Variants in CARF observed in about 807,000 individuals in gnomAD.
The protein encoded by CARF is calcium-responsive transcription factor.
Under a neutral mutation model 82.0 loss-of-function variants are expected in CARF, and 57 were observed. The ratio of observed to expected loss-of-function variants is 0.70; its 90% CI spans 0.56 to 0.87. The LOEUF (loss-of-function observed/expected upper bound fraction) is 0.87, where lower values mean the gene tolerates loss of function less well. Ranked by LOEUF, CARF falls within the 40% of genes least tolerant of loss-of-function variation. The probability of loss-of-function intolerance (pLI) is 0.00; values close to 1 mark genes in which losing one functional copy is unlikely to be tolerated. For missense variants in CARF, 771 were observed against 855.8 expected (o/e 0.90, Z 1.24); for synonymous variants, 268 against 290.1 (o/e 0.92, Z 0.77).
At chr2:202,936,532 C>G (rs1369294603) in intron 3 of CARF, among the ~76,000 whole-genome samples, 1 of 152,104 alleles carries the variant, frequency 6.6e-6, no homozygotes, top group Non-Finnish European at 1.5e-5. Flanking sequence ...TAATATGTGA[C>G]CTTTTGTGTG....
chr2:202,935,327 T>C (rs2105777537), intron 3 of CARF, among the ~76,000 whole-genome samples: 1 of 3,192 alleles, frequency 3.1e-4, no homozygotes, highest in East Asian at 0.038. Context: ...TGTATATTTA[T>C]ATATATATAT....
intron 1 of CARF, among the ~76,000 whole-genome samples, chr2:202,915,491 G>T (rs988110952): frequency 2.6e-5 from 4 of 151,654 alleles, no homozygotes; most frequent in African/African-American, 9.7e-5. Flanking sequence ...TTCTTTTTGA[G>T]ATGGAGTCTG....
chr2:202,954,215 G>A, intron 7 of CARF, 81 bp downstream of exon 7: 1 of 1,433,960 alleles, frequency 7.0e-7, no homozygotes, highest in Non-Finnish European at 9.4e-7. Flanking sequence ...AAAGCTGGCA[G>A]ACTATAGAGA....
rs766617005 is a variant in CARF at position 202,971,584 on chromosome 2, C to G, written c.1177C>G (p.Pro393Ala). 4 of 1,613,636 alleles carry G rather than the reference C, an allele frequency of 2.5e-6. No homozygotes were observed. The highest frequency in any genetic ancestry group is 2.2e-5 in the East Asian group (1 of 44,780). ...ETPCLTLSPS[P>A]FPVSSLEEEE... is the part of the protein sequence containing the mutation. ...TCCCTGCCTCACTTTGTCACCTTCT[C>G]CTTTTCCTGTGTCTTCTCTTGAAGA... Residue 393 changes from proline to alanine, a missense_variant, in exon 12 of 17, where the codon CCT becomes GCT. Physicochemically the swap from Pro to Ala is conservative, Grantham distance 27. Coordinates refer to ENST00000438828, the MANE Select transcript of CARF (RefSeq NM_024744.17).
intron 8 of CARF, 84 bp from the exon 9 acceptor site, chr2:202,961,153 T>TC: frequency 9.1e-7 from 1 of 1,104,806 alleles, no homozygotes; most frequent in South Asian, 1.6e-5. Flanking sequence ...TGATGAGTCT[T>TC]CCATTTTGGA....
At chr2:202,974,525 CAG>C in intron 13 of CARF, 29 bp downstream of exon 13, 1 of 1,554,284 alleles carries the variant, frequency 6.4e-7, no homozygotes, top group Non-Finnish European at 8.7e-7. Context: ...TTCCTTATTA[CAG>C]AGTCTTTCTC....
chr2:202,934,949 C>T (rs572572736), intron 3 of CARF, among the ~76,000 whole-genome samples: 4 of 151,166 alleles, frequency 2.6e-5, no homozygotes, highest in Admixed American at 6.6e-5. Flanking sequence ...TGGTGGTGTG[C>T]GCCAGTAGTG....
intron 9 of CARF, among the ~76,000 whole-genome samples, chr2:202,966,072 G>A (rs1281452101): frequency 6.6e-6 from 1 of 152,164 alleles, no homozygotes; most frequent in Non-Finnish European, 1.5e-5. Context: ...CCACTTGGCA[G>A]ATGATTACCT....
At chr2:202,941,712 G>T in intron 3 of CARF, 148 bp from the exon 4 acceptor site, 1 of 437,790 alleles carries the variant, frequency 2.3e-6, no homozygotes, top group South Asian at 3.3e-5. Flanking sequence ...ATTTTAAAAA[G>T]TGTTAATTTT....
Position 202,912,984 on chromosome 2 carries a change from A to AG in CARF, c.-445dup, listed in dbSNP as rs1688915519. On this transcript the variant is annotated 5_prime_UTR_variant, in exon 1 of 17. Coordinates refer to ENST00000438828, the MANE Select transcript of CARF (RefSeq NM_024744.17). ...TTACTCTAATATAGTTGTTTTTCTG[A>AG]GGGAGGATGGATGGAGATAACTATC... 1 of 152,144 alleles carries AG rather than the reference A, an allele frequency of 6.6e-6. No individual in the cohort carries two copies. Among genetic ancestry groups the AG allele is most frequent in the African/African-American group, 2.4e-5 (1 of 41,416 alleles). 9.4% of individuals were successfully genotyped at this position (152,144 alleles called of 1,614,324 possible).
At chr2:202,981,954 ATTTTT>A in intron 15 of CARF, 113 bp from the exon 16 acceptor site, 4 of 1,130,146 alleles carry the variant, frequency 3.5e-6, no homozygotes, top group Non-Finnish European at 5.0e-6. Flanking sequence ...TTTAATAATT[ATTTTT>A]AACCATACTC....
intron 3 of CARF, among the ~76,000 whole-genome samples, chr2:202,930,641 T>A (rs1485173432): frequency 6.6e-6 from 1 of 152,202 alleles, no homozygotes; most frequent in East Asian, 1.9e-4. Context: ...CATTGAATTA[T>A]CTATTTGTAT....
At chr2:202,979,192 G>T (rs539542585) in intron 14 of CARF, among the ~76,000 whole-genome samples, 61 of 152,232 alleles carry the variant, frequency 4.0e-4, no homozygotes, top group Middle Eastern at 3.4e-3. Context: ...GGGAGGCAGA[G>T]GTTGCAGTGA....
At chr2:202,923,564 A>G (rs569107533) in intron 2 of CARF, among the ~76,000 whole-genome samples, 4 of 152,318 alleles carry the variant, frequency 2.6e-5, no homozygotes, top group Admixed American at 1.3e-4. Context: ...GCAATCTAGA[A>G]ATTCAATGCA....
chr2:202,977,730 T>A (rs2060091083), intron 14 of CARF, among the ~76,000 whole-genome samples: 1 of 152,230 alleles, frequency 6.6e-6, no homozygotes, highest in African/African-American at 2.4e-5. Flanking sequence ...TTTGCATTTC[T>A]TCTCTGTTCT....
At position 202,971,497 on chromosome 2, in the gene CARF, C is replaced by T. The variant is rs2059789896; in HGVS notation, c.1098-8C>T. The T allele has an allele frequency of 6.6e-7, 1 of 1,508,162 alleles. No individual in the cohort carries two copies. 93.4% of individuals were successfully genotyped at this position (1,508,162 alleles called of 1,614,324 possible). On this transcript the variant is annotated splice_polypyrimidine_tract_variant and splice_region_variant and intron_variant, in intron 11 of 16. Transcript: ENST00000438828. Reference sequence around the variant, plus strand: ...ATTTTAGTAATTTTAAATATTTTCTCTTACCAGGTGGTATGTACAGTTACC... The same window carrying T: ...ATTTTAGTAATTTTAAATATTTTCTTTTACCAGGTGGTATGTACAGTTACC...
chr2:202,959,697 T>C (rs2059217762), intron 8 of CARF, among the ~76,000 whole-genome samples: 1 of 151,754 alleles, frequency 6.6e-6, no homozygotes, highest in Non-Finnish European at 1.5e-5. Context: ...TAATCCCAGC[T>C]ACTTGGGAGG....
At chr2:202,958,249 A>ATGTGTGTGTGTGTGTGTGTG (rs71034206) in intron 8 of CARF, among the ~76,000 whole-genome samples, 1,917 of 139,990 alleles carry the variant, frequency 0.014, 28 homozygotes, top group South Asian at 0.026. Flanking sequence ...ATATACATAT[A>ATGTGTGTGTGTGTGTGTGTG]TGTGTGTGTG....
At chr2:202,981,243 A>G (rs1220279117) in intron 14 of CARF, among the ~76,000 whole-genome samples, 2 of 152,122 alleles carry the variant, frequency 1.3e-5, no homozygotes, top group Non-Finnish European at 2.9e-5. Context: ...TCTCATAAGG[A>G]GTGTGCAACT....
Sources: gnomAD v4.1 joint callset for allele counts (sites outside exome capture counted in the v4.1 genomes callset) on GRCh38, gnomAD v4.1.1 for gene constraint, MANE v1.5 for transcripts, NCBI Gene and HGNC (gene_info 2026-07-23, HGNC 2026-07-21) for gene names.